DNAH9: variants seen among roughly 807,000 people sequenced by gnomAD.
DNAH9 encodes DNAH9 variant protein.
In DNAH9, 345 loss-of-function variants were observed where a neutral mutation model predicts 471.6. That is an observed-to-expected ratio of 0.73 (90% CI 0.67 to 0.80). The LOEUF is 0.80. Among genes scored for constraint, DNAH9 ranks in the 30% least tolerant of loss-of-function variants. The probability of loss-of-function intolerance (pLI) is 0.00; values close to 1 mark genes in which losing one functional copy is unlikely to be tolerated. For synonymous variants in DNAH9, 2,093 were observed against 2,123.6 expected (o/e 0.99, Z 0.40); for missense variants, 5,407 against 5,609.2 (o/e 0.96, Z 1.15).
Position 11,617,633 on chromosome 17 carries a change from C to G in DNAH9, c.1116+11C>G. 6 of 1,608,690 alleles carry G rather than the reference C, an allele frequency of 3.7e-6. No individual in the cohort carries two copies. The highest frequency in any genetic ancestry group is 5.1e-6 in the Non-Finnish European group (6 of 1,175,756). On this transcript the variant is annotated intron_variant, in intron 5 of 68. Transcript: ENST00000262442. Reference sequence around the variant, plus strand: ...CTTCTCATCCAGCAGGTGGGCTGCCCTGGGATGCCCAGCAACTGCTCCCTG... The same window carrying G: ...CTTCTCATCCAGCAGGTGGGCTGCCGTGGGATGCCCAGCAACTGCTCCCTG...
intron 35 of DNAH9, among the ~76,000 whole-genome samples, chr17:11,758,112 C>A (rs570764523): frequency 3.9e-5 from 6 of 152,132 alleles, no homozygotes; most frequent in Non-Finnish European, 8.8e-5. Context: ...GGGGCCCACT[C>A]CCCGTCCCTG....
At chr17:11,769,580 G>A (rs529035341) in intron 38 of DNAH9, among the ~76,000 whole-genome samples, 1 of 152,192 alleles carries the variant, frequency 6.6e-6, no homozygotes, top group African/African-American at 2.4e-5. Context: ...CAAGAGCAAG[G>A]TGTTCAACAC....
intron 14 of DNAH9, among the ~76,000 whole-genome samples, chr17:11,654,725 G>T (rs2073601926): frequency 6.6e-6 from 1 of 151,790 alleles, no homozygotes; most frequent in Admixed American, 6.6e-5. Flanking sequence ...CTACCATACA[G>T]TGCCAGGCAC....
intron 20 of DNAH9, among the ~76,000 whole-genome samples, chr17:11,693,237 C>CTTTTTTTTTTTTTT (rs776422086): frequency 1.3e-5 from 1 of 77,440 alleles, no homozygotes; most frequent in Non-Finnish European, 2.3e-5. Flanking sequence ...TTAAAATGCC[C>CTTTTTTTTTTTTTT]TTTTTTTTTT....
intron 26 of DNAH9, among the ~76,000 whole-genome samples, chr17:11,712,717 T>C (rs1020408367): frequency 1.6e-4 from 24 of 152,284 alleles, no homozygotes; most frequent in Admixed American, 1.0e-3. Flanking sequence ...CATTCATGCA[T>C]CTTCTTTAGT....
intron 54 of DNAH9, among the ~76,000 whole-genome samples, chr17:11,881,004 C>A (rs1159738950): frequency 6.6e-6 from 1 of 152,120 alleles, no homozygotes; most frequent in Non-Finnish European, 1.5e-5. Flanking sequence ...CAGTACAGAA[C>A]CAAACATGGT....
At chr17:11,694,105 C>A in intron 21 of DNAH9, 107 bp downstream of exon 21, 1 of 1,404,052 alleles carries the variant, frequency 7.1e-7, no homozygotes, top group South Asian at 1.3e-5. Flanking sequence ...CTTGCATGTC[C>A]CTTTCTTTGC....
chr17:11,824,519 T>C (rs1970420887), intron 48 of DNAH9, among the ~76,000 whole-genome samples: 1 of 152,218 alleles, frequency 6.6e-6, no homozygotes, highest in Non-Finnish European at 1.5e-5. Flanking sequence ...GGGGTCCCTG[T>C]GCCCCATATC....
chr17:11,965,771 TTA>T lies in DNAH9; in HGVS notation c.13233+3521_13233+3522del, dbSNP rs555761112. 1.2e-4 allele frequency among the ~76,000 whole-genome samples: 18 copies of T among 152,168 alleles called. No homozygotes were observed. The South Asian group carries it at 2.1e-3, about 18-fold the overall frequency. On this transcript the variant is annotated intron_variant, in intron 68 of 68. Coordinates refer to ENST00000262442, the MANE Select transcript of DNAH9 (RefSeq NM_001372.4). ...TGAATAGAGAATACAGAGAGAAAAA[TTA>T]TATATGTTTTTAAAAAAATAAAGTA...
chr17:11,804,949 G>A (rs1240721886), intron 43 of DNAH9, among the ~76,000 whole-genome samples: 1 of 151,934 alleles, frequency 6.6e-6, no homozygotes, highest in Non-Finnish European at 1.5e-5. Flanking sequence ...CGCTACTCGG[G>A]AGGCTGAAGC....
chr17:11,739,195 C>T (rs920697437), intron 29 of DNAH9, among the ~76,000 whole-genome samples, 158 bp downstream of exon 29: 1 of 152,160 alleles, frequency 6.6e-6, no homozygotes, highest in Admixed American at 6.5e-5. Flanking sequence ...AGTAAAATTG[C>T]TTTTTGCTTA....
chr17:11,826,360 G>GGA (rs1555604392), intron 48 of DNAH9, among the ~76,000 whole-genome samples: 2 of 151,098 alleles, frequency 1.3e-5, no homozygotes, highest in Non-Finnish European at 3.0e-5. Context: ...CCGGAAGCTG[G>GGA]GGGGGTAATT....
intron 6 of DNAH9, among the ~76,000 whole-genome samples, chr17:11,624,787 A>G (rs971170054): frequency 2.6e-5 from 4 of 151,610 alleles, no homozygotes; most frequent in African/African-American, 9.7e-5. Flanking sequence ...AGGATCCCAA[A>G]CTGGTTTTGT....
At chr17:11,696,485 C>T (rs1005560578) in intron 22 of DNAH9, among the ~76,000 whole-genome samples, 2 of 152,108 alleles carry the variant, frequency 1.3e-5, no homozygotes, top group African/African-American at 4.8e-5. Flanking sequence ...ATTCCCGGCT[C>T]AAAGGGTGGA....
chr17:11,947,097 T>C (rs1284744808), intron 67 of DNAH9, among the ~76,000 whole-genome samples: 1 of 152,210 alleles, frequency 6.6e-6, no homozygotes, highest in African/African-American at 2.4e-5. Context: ...GAAGGCATCA[T>C]CTGGGGGCCA....
At chr17:11,840,560 C>T (rs1162801927) in intron 49 of DNAH9, among the ~76,000 whole-genome samples, 2 of 152,134 alleles carry the variant, frequency 1.3e-5, no homozygotes, top group East Asian at 3.8e-4. Flanking sequence ...TAATGCCTCT[C>T]CCCCAAAGAG....
chr17:11,740,797 G>A (rs993337945), intron 29 of DNAH9, among the ~76,000 whole-genome samples: 10 of 152,186 alleles, frequency 6.6e-5, no homozygotes, highest in Middle Eastern at 3.4e-3. Context: ...ACTAGTAAGC[G>A]GCAGAATGCT....
At chr17:11,631,293 T>G (rs911385045) in intron 7 of DNAH9, among the ~76,000 whole-genome samples, 1 of 151,706 alleles carries the variant, frequency 6.6e-6, no homozygotes. Context: ...ATTTTAAGAG[T>G]GTGTGCGGGA....
intron 42 of DNAH9, among the ~76,000 whole-genome samples, chr17:11,795,431 T>C (rs1969208863): frequency 6.6e-6 from 1 of 152,232 alleles, no homozygotes; most frequent in Non-Finnish European, 1.5e-5. Flanking sequence ...TCACCTTGTT[T>C]GGTTTAGCTC....
Sources: allele counts gnomAD v4.1 joint callset (sites outside exome capture counted in the v4.1 genomes callset), GRCh38; gene constraint gnomAD v4.1.1; transcripts MANE v1.5; gene names NCBI Gene and HGNC (gene_info 2026-07-23, HGNC 2026-07-21).